The following TPD52 variants were observed in gnomAD, a reference collection of about 807,000 sequenced individuals.
The protein encoded by TPD52 is tumor protein D52, also known as prostate and colon associated protein.
TPD52 carries 17 observed loss-of-function variants against 31.3 expected under a neutral mutation model. The ratio of observed to expected loss-of-function variants is 0.54; its 90% CI spans 0.37 to 0.82. The LOEUF is 0.82. Among genes scored for constraint, TPD52 ranks in the 40% least tolerant of loss-of-function variants. The probability of loss-of-function intolerance (pLI) is 0.00; values close to 1 mark genes in which losing one functional copy is unlikely to be tolerated. For synonymous variants in TPD52, 83 were observed against 89.6 expected (o/e 0.93, Z 0.42); for missense variants, 212 against 240.1 (o/e 0.88, Z 0.77).
intron 1 of TPD52, among the ~76,000 whole-genome samples, chr8:80,142,355 T>C (rs534766703): frequency 1.4e-4 from 21 of 152,250 alleles, no homozygotes; most frequent in African/African-American, 5.1e-4. Flanking sequence ...TAAATTAAGG[T>C]TGGGCTGGTC....
chr8:80,064,843 T>C (rs1812948895), intron 1 of TPD52: 4 of 625,300 alleles, frequency 6.4e-6, no homozygotes, highest in Non-Finnish European at 6.0e-6. Context: ...CTTCTGTTCA[T>C]AGTCTCAGTC....
intron 1 of TPD52, among the ~76,000 whole-genome samples, chr8:80,139,071 GC>G (rs1809637021): frequency 6.6e-6 from 1 of 152,006 alleles, no homozygotes; most frequent in Non-Finnish European, 1.5e-5. Flanking sequence ...TGACACTGCA[GC>G]CCCCACTTCC....
intron 5 of TPD52, among the ~76,000 whole-genome samples, chr8:80,047,855 C>A (rs572347585): frequency 6.6e-6 from 1 of 152,214 alleles, no homozygotes; most frequent in African/African-American, 2.4e-5. Context: ...GAGAAATTTT[C>A]TTTGGAAATA....
intron 2 of TPD52, among the ~76,000 whole-genome samples, chr8:80,062,650 T>C (rs531500600): frequency 1.1e-4 from 16 of 152,102 alleles, no homozygotes; most frequent in African/African-American, 3.9e-4. Flanking sequence ...GTGAAAACAG[T>C]TTGGTGCTTC....
At chr8:80,040,444 C>G (rs1810272804) in intron 7 of TPD52, among the ~76,000 whole-genome samples, 2 of 152,062 alleles carry the variant, frequency 1.3e-5, no homozygotes, top group African/African-American at 4.8e-5. Context: ...CCTGCCTTGG[C>G]CTCACAAAGT....
At chr8:80,114,850 T>C (rs1459146558) in intron 1 of TPD52, among the ~76,000 whole-genome samples, 1 of 152,162 alleles carries the variant, frequency 6.6e-6, no homozygotes, top group East Asian at 1.9e-4. Flanking sequence ...ATCCCTGAAT[T>C]CAGTGGCGTG....
intron 1 of TPD52, among the ~76,000 whole-genome samples, chr8:80,095,636 C>A (rs1290222725): frequency 6.6e-6 from 1 of 152,096 alleles, no homozygotes; most frequent in Non-Finnish European, 1.5e-5. Flanking sequence ...TTTCTGTAAA[C>A]CCAAAACTGC....
intron 1 of TPD52, chr8:80,067,148 G>A (rs745704298): frequency 3.9e-5 from 6 of 152,184 alleles, no homozygotes; most frequent in Non-Finnish European, 8.8e-5. Context: ...GGGGATTCTG[G>A]TTCTATTCAA....
chr8:80,053,241 C>A, intron 3 of TPD52, 41 bp downstream of exon 3: 2 of 1,604,838 alleles, frequency 1.2e-6, no homozygotes, highest in South Asian at 2.2e-5. Flanking sequence ...CAACAGTGTC[C>A]TTTACACTCC....
chr8:80,147,850 ACACACCCCC>A (rs1265760500), intron 1 of TPD52, among the ~76,000 whole-genome samples: 1 of 151,748 alleles, frequency 6.6e-6, no homozygotes, highest in Non-Finnish European at 1.5e-5. Flanking sequence ...ACACACACAC[ACACACCCCC>A]CACACCCCCT....
At chr8:80,082,329 T>C (rs767556624) in intron 1 of TPD52, among the ~76,000 whole-genome samples, 1 of 152,226 alleles carries the variant, frequency 6.6e-6, no homozygotes, top group African/African-American at 2.4e-5. Context: ...ATTGGAGTTA[T>C]GTCCCTAGAC....
At chr8:80,138,474 T>C (rs1809596227) in intron 1 of TPD52, among the ~76,000 whole-genome samples, 1 of 152,174 alleles carries the variant, frequency 6.6e-6, no homozygotes, top group Non-Finnish European at 1.5e-5. Context: ...TTTGCAATTA[T>C]AAATCTGGGA....
chr8:80,095,368 G>A (rs1816651726), intron 1 of TPD52, among the ~76,000 whole-genome samples: 1 of 152,162 alleles, frequency 6.6e-6, no homozygotes, highest in African/African-American at 2.4e-5. Context: ...CTGAGGGGGA[G>A]GCAAGCAGGA....
chr8:80,102,356 G>C (rs1806806608), intron 1 of TPD52, among the ~76,000 whole-genome samples: 1 of 152,212 alleles, frequency 6.6e-6, no homozygotes, highest in Non-Finnish European at 1.5e-5. Flanking sequence ...CTACATGTCA[G>C]CTGGTTTTCC....
intron 5 of TPD52, among the ~76,000 whole-genome samples, chr8:80,045,626 C>G (rs910622023): frequency 5.3e-5 from 8 of 152,102 alleles, no homozygotes; most frequent in Admixed American, 4.6e-4. Flanking sequence ...AGAGGTAGAG[C>G]AGATGAGGTC....
At chr8:80,154,728 C>T (rs892600304) in intron 1 of TPD52, among the ~76,000 whole-genome samples, 1 of 149,078 alleles carries the variant, frequency 6.7e-6, no homozygotes. Context: ...CACACACACA[C>T]ACACACACAC....
chr8:80,156,084 G>A (rs1359753439), intron 1 of TPD52, among the ~76,000 whole-genome samples: 1 of 152,092 alleles, frequency 6.6e-6, no homozygotes, highest in African/African-American at 2.4e-5. Context: ...TTTGGGCATG[G>A]CTTGGTCAGG....
At chr8:80,031,165 G>T (rs1436788249), downstream of TPD52, among the ~76,000 whole-genome samples, 1 of 152,114 alleles carries the variant, frequency 6.6e-6, no homozygotes, top group African/African-American at 2.4e-5. Context: ...TTTTATTTTG[G>T]GGGCACACAC....
chr8:80,162,431 T>G (rs1248267348), intron 1 of TPD52, among the ~76,000 whole-genome samples: 4 of 151,868 alleles, frequency 2.6e-5, no homozygotes. Context: ...GAAATACAAA[T>G]GGATAATAAC....
Sources: allele counts gnomAD v4.1 joint callset (sites outside exome capture counted in the v4.1 genomes callset), GRCh38; gene constraint gnomAD v4.1.1; transcripts MANE v1.5; gene names NCBI Gene and HGNC (gene_info 2026-07-23, HGNC 2026-07-21).